DTX3L: variants seen among roughly 807,000 people sequenced by gnomAD.
The protein encoded by DTX3L is E3 ubiquitin-protein ligase DTX3L.
Under a neutral mutation model 60.9 loss-of-function variants are expected in DTX3L, and 34 were observed. The ratio of observed to expected loss-of-function variants is 0.56; its 90% CI spans 0.42 to 0.74. The LOEUF is 0.74. Ranked by LOEUF, DTX3L falls within the 30% of genes least tolerant of loss-of-function variation. DTX3L has a pLI of 0.00. For synonymous variants in DTX3L, 290 were observed against 316.6 expected, an observed-to-expected ratio of 0.92 and a Z score of 0.89; for missense variants, 810 against 874.0, an observed-to-expected ratio of 0.93 and a Z score of 0.92.
At chr3:122,570,128 T>G in intron 3 of DTX3L, 104 bp downstream of exon 3, 2 of 1,245,544 alleles carry the variant, frequency 1.6e-6, no homozygotes, top group Non-Finnish European at 2.3e-6. Context: ...CCCAAGGAAT[T>G]ATCTCCAGGG....
rs2080632034 is a variant in DTX3L, at chr3:122,569,798, AC to A, written c.1710del (p.Asn570LysfsTer65). ...GTCATCTGTATGGACACCATTAGTAACAAAAAAGTGCTACCAAAGTGCAAGC... is the reference window on the plus strand; with the variant it reads ...GTCATCTGTATGGACACCATTAGTAAAAAAAAGTGCTACCAAAGTGCAAGC... ...ICVICMDTIS[N>X]KKVLPKCKHE... On this transcript the variant is annotated frameshift_variant, in exon 3 of 5. Coordinates refer to ENST00000296161, the MANE Select transcript of DTX3L (RefSeq NM_138287.3). LOFTEE classifies it high-confidence loss of function. The A allele has an allele frequency of 2.5e-6, 4 of 1,614,158 alleles. No homozygotes were observed. Among genetic ancestry groups the A allele is most frequent in the Non-Finnish European group, 3.4e-6 (4 of 1,180,020 alleles).
At chr3:122,567,616 G>A (rs562611899) in intron 2 of DTX3L, among the ~76,000 whole-genome samples, 35 of 152,262 alleles carry the variant, frequency 2.3e-4, no homozygotes, top group African/African-American at 8.4e-4. Context: ...CCACAACTTT[G>A]CATGCAGTCG....
At chr3:122,571,079 G>T (rs2080642315) in intron 4 of DTX3L, among the ~76,000 whole-genome samples, 1 of 151,914 alleles carries the variant, frequency 6.6e-6, no homozygotes, top group South Asian at 2.1e-4. Context: ...TAATATTCTA[G>T]AAAAAGTCTA....
intron 3 of DTX3L, 137 bp downstream of exon 3, chr3:122,570,161 G>C: frequency 1.1e-6 from 1 of 918,132 alleles, no homozygotes; most frequent in East Asian, 2.6e-5. Context: ...GACTGAAATA[G>C]TGGTAAAGGT....
intron 3 of DTX3L, 126 bp downstream of exon 3, chr3:122,570,150 G>A (rs1292312170): frequency 9.7e-7 from 1 of 1,036,214 alleles, no homozygotes; most frequent in South Asian, 1.4e-5. Flanking sequence ...CATGTGCAAG[G>A]GACTGAAATA....
chr3:122,568,527 G>A lies in DTX3L; in HGVS notation c.438G>A (p.Leu146=). The change falls in exon 3 of 5, where the codon CTG becomes CTA. Residue 146 remains leucine, a synonymous_variant. Transcript: ENST00000296161. ...TAACAGCTGACCTGAACTGTAACCT[G>A]TTCTCCAAAGAGCAGAGGGCATACA... is the stretch of plus-strand genomic sequence containing the variant. The part of the protein sequence containing the change: ...LTVTADLNCN[L]FSKEQRAYIT... The A allele has an allele frequency of 2.5e-6, 4 of 1,613,160 alleles. No individual in the cohort carries two copies. Among genetic ancestry groups the A allele is most frequent in the Non-Finnish European group, 3.4e-6 (4 of 1,179,672 alleles).
chr3:122,574,954 T>C lies in DTX3L; in HGVS notation c.*3207T>C, dbSNP rs1392773618. 6.6e-6 allele frequency: 1 copy of C among 152,254 alleles called. No homozygotes were observed. The highest frequency in any genetic ancestry group is 1.9e-4 in the East Asian group (1 of 5,204). The allele number at this position is 152,254 out of a possible 1,614,324, so 9.4% of individuals were successfully genotyped here. On this transcript the variant is annotated 3_prime_UTR_variant, in exon 5 of 5. Coordinates refer to ENST00000296161, the MANE Select transcript of DTX3L (RefSeq NM_138287.3). ...AAAAAATCAGATTATAAATTTAGTT[T>C]TTGGTGATTCATTAAATTCTTTACT... is the stretch of plus-strand genomic sequence containing the variant.
chr3:122,569,820 C>T lies in DTX3L; in HGVS notation c.1731C>T (p.Cys577=). The T allele has an allele frequency of 6.2e-7, 1 of 1,614,122 alleles. No homozygotes were observed. Among genetic ancestry groups the T allele is most frequent in the Non-Finnish European group, 8.5e-7 (1 of 1,180,028 alleles). ...TISNKKVLPK[C]KHEFCAPCIN... The stretch of plus-strand genomic sequence containing the variant: ...GTAACAAAAAAGTGCTACCAAAGTG[C>T]AAGCATGAATTCTGCGCCCCTTGTA... Residue 577 remains cysteine (C), a synonymous_variant, in exon 3 of 5, where the codon TGC becomes TGT. Coordinates refer to ENST00000296161, the MANE Select transcript of DTX3L (RefSeq NM_138287.3).
Position 122,568,482 on chromosome 3 carries a change from ATTTCAGATC to A in DTX3L, c.400-2_406del, listed in dbSNP as rs2080606750. 1 of 1,583,804 alleles carries A rather than the reference ATTTCAGATC, an allele frequency of 6.3e-7. No homozygotes were observed. The highest frequency in any genetic ancestry group is 1.8e-5 in the Admixed American group (1 of 54,532). On this transcript the variant is annotated splice_acceptor_variant and splice_polypyrimidine_tract_variant and coding_sequence_variant and intron_variant, in exon 3 of 5. Coordinates refer to ENST00000296161, the MANE Select transcript of DTX3L (RefSeq NM_138287.3). LOFTEE classifies it high-confidence loss of function. The stretch of plus-strand genomic sequence containing the variant: ...TTTATTTGTTCCTGTTCCTTTTAAA[ATTTCAGATC>A]TTTCTTACTGTAACAGCTGACCTGA...
At position 122,569,359 on chromosome 3, in the gene DTX3L, G is replaced by T. The variant is rs1576459801; in HGVS notation, c.1270G>T (p.Asp424Tyr). 1.2e-6 allele frequency: 2 copies of T among 1,614,166 alleles called. No individual in the cohort carries two copies. The highest frequency in any genetic ancestry group is 1.6e-4 in the Middle Eastern group (1 of 6,062). The change falls in exon 3 of 5, where the codon GAC (aspartate) becomes TAC (tyrosine). Residue 424 changes from aspartate (D) to tyrosine (Y), a missense_variant. Physicochemically the swap from Asp to Tyr is radical, Grantham distance 160. Transcript: ENST00000296161. ...QKTCILFESK[D>Y]RQVDLSVHAY... Reference sequence around the variant, plus strand: ...AACCTGCATTCTGTTTGAATCCAAGGACAGGCAGGTAGATCTATCTGTGCA... The same window carrying T: ...AACCTGCATTCTGTTTGAATCCAAGTACAGGCAGGTAGATCTATCTGTGCA...
Position 122,570,618 on chromosome 3 carries a change from T to G in DTX3L, c.2099T>G (p.Val700Gly). 6.2e-7 allele frequency: 1 copy of G among 1,614,164 alleles called. No homozygotes were observed. Among genetic ancestry groups the G allele is most frequent in the Non-Finnish European group, 8.5e-7 (1 of 1,180,036 alleles). Reference protein sequence around the residue: ...GYSRVLGVSDVITWNDIHHKT... With the variant: ...GYSRVLGVSDGITWNDIHHKT... ...TCTCGCGTATTAGGAGTCTCAGATG[T>G]CATCACTTGGAATGATATTCACCAC... The change falls in exon 4 of 5, where the codon GTC becomes GGC. Residue 700 changes from valine to glycine, a missense_variant. By Grantham distance (109) the Val-to-Gly change is moderately radical. Transcript: ENST00000296161.
intron 4 of DTX3L, 55 bp downstream of exon 4, chr3:122,570,727 T>C: frequency 6.3e-7 from 1 of 1,579,030 alleles, no homozygotes; most frequent in Non-Finnish European, 8.7e-7. Flanking sequence ...GATTATGAAA[T>C]ACGGCAATTT....
Position 122,570,497 on chromosome 3 carries a change from C to G in DTX3L, c.1978C>G (p.Arg660Gly), listed in dbSNP as rs780352960. ...NPGKRYPGIQ[R>G]TAYLPDNKEG... is the part of the protein sequence containing the mutation. Reference sequence around the variant, plus strand: ...AGGAAAGAGATACCCTGGAATACAGCGAACTGCATACTTGCCTGATAATAA... The same window carrying G: ...AGGAAAGAGATACCCTGGAATACAGGGAACTGCATACTTGCCTGATAATAA... Residue 660 changes from arginine (R) to glycine (G), a missense_variant, in exon 4 of 5, where the codon CGA (arginine) becomes GGA (glycine). Arg to Gly is a moderately radical substitution (Grantham distance 125, BLOSUM62 -2). Transcript: ENST00000296161. 6.2e-7 allele frequency: 1 copy of G among 1,614,128 alleles called. No homozygotes were observed. The highest frequency in any genetic ancestry group is 8.5e-7 in the Non-Finnish European group (1 of 1,180,022).
At position 122,571,840 on chromosome 3, in the gene DTX3L, G is replaced by A. The variant is rs1048774806; in HGVS notation, c.*93G>A. On this transcript the variant is annotated 3_prime_UTR_variant, in exon 5 of 5. Transcript: ENST00000296161. ...CCAGTCTAAATCCTTATGTAGAAAGGACTTTGAAATTTTTCTTCTCAAGAA... is the reference window on the plus strand; with the variant it reads ...CCAGTCTAAATCCTTATGTAGAAAGAACTTTGAAATTTTTCTTCTCAAGAA... 2.6e-5 allele frequency: 28 copies of A among 1,089,910 alleles called. No homozygotes were observed. The Middle Eastern group carries it at 1.2e-3, about 45-fold the overall frequency. 67.5% of individuals were successfully genotyped at this position (1,089,910 alleles called of 1,614,324 possible). A position where few individuals can be genotyped will look rare whatever the true frequency, so the allele number is the denominator to read the frequency against.
intron 1 of DTX3L, among the ~76,000 whole-genome samples, chr3:122,564,894 C>T (rs932540638): frequency 6.6e-6 from 1 of 152,220 alleles, no homozygotes; most frequent in South Asian, 2.1e-4. Context: ...CAGCTGTCAT[C>T]TTCCTTCCCC....
In DTX3L at chr3:122,571,787, A is replaced by C; in HGVS notation, c.*40A>C. 6.4e-7 allele frequency: 1 copy of C among 1,557,768 alleles called. No homozygotes were observed. Among genetic ancestry groups the C allele is most frequent in the Non-Finnish European group, 8.8e-7 (1 of 1,141,130 alleles). On this transcript the variant is annotated 3_prime_UTR_variant, in exon 5 of 5. Coordinates refer to ENST00000296161, the MANE Select transcript of DTX3L (RefSeq NM_138287.3). Reference sequence around the variant, plus strand: ...GATGTCTTAAATCAAGCTTTCAAAAAAATATATTTTAGGAGGCTGATTTAA... The same window carrying C: ...GATGTCTTAAATCAAGCTTTCAAAACAATATATTTTAGGAGGCTGATTTAA...
At chr3:122,566,097 G>A in intron 2 of DTX3L, 27 bp downstream of exon 2, 1 of 1,598,908 alleles carries the variant, frequency 6.3e-7, no homozygotes, top group South Asian at 1.1e-5. Context: ...GGAGCTGGCT[G>A]TGCCTGCGCC....
intron 1 of DTX3L, among the ~76,000 whole-genome samples, chr3:122,565,429 T>A (rs1431410939): frequency 6.9e-6 from 1 of 145,088 alleles, no homozygotes; most frequent in Non-Finnish European, 1.5e-5. Context: ...GGAGAATCGC[T>A]GGAACTCGGG....
In DTX3L at chr3:122,569,800, A is replaced by G. The variant is rs1576460114; in HGVS notation, c.1711A>G (p.Lys571Glu). Residue 571 changes from lysine (K) to glutamate (E), a missense_variant, in exon 3 of 5, where the codon AAA becomes GAA. Lys to Glu is a moderately conservative substitution (Grantham distance 56). Transcript: ENST00000296161. ...CVICMDTISN[K>E]KVLPKCKHEF... The stretch of plus-strand genomic sequence containing the variant: ...CATCTGTATGGACACCATTAGTAAC[A>G]AAAAAGTGCTACCAAAGTGCAAGCA... 1 of 1,614,138 alleles carries G rather than the reference A, an allele frequency of 6.2e-7. No homozygotes were observed. Among genetic ancestry groups the G allele is most frequent in the East Asian group, 2.2e-5 (1 of 44,888 alleles).
Sources: gnomAD v4.1 joint callset for allele counts (sites outside exome capture counted in the v4.1 genomes callset) on GRCh38, gnomAD v4.1.1 for gene constraint, MANE v1.5 for transcripts, NCBI Gene and HGNC (gene_info 2026-07-23, HGNC 2026-07-21) for gene names.